CHRM3: variants seen among roughly 807,000 people sequenced by gnomAD.
CHRM3 encodes the protein cholinergic receptor muscarinic 3.
CHRM3 carries 11 observed loss-of-function variants against 41.8 expected under a neutral mutation model. The ratio of observed to expected loss-of-function variants is 0.26; its 90% CI spans 0.17 to 0.44. The LOEUF is 0.44. CHRM3 is among the 20% of genes least tolerant of loss of function. The pLI is 1.00. For missense variants in CHRM3, 571 were observed against 745.4 expected, an observed-to-expected ratio of 0.77 and a Z score of 2.72; for synonymous variants, 297 against 301.4, an observed-to-expected ratio of 0.99 and a Z score of 0.15.
At chr1:239,674,333 A>C (rs1319313785) in intron 4 of CHRM3, among the ~76,000 whole-genome samples, 1 of 152,122 alleles carries the variant, frequency 6.6e-6, no homozygotes, top group Non-Finnish European at 1.5e-5. Context: ...TTCTTTTTGC[A>C]AATGTCATCT....
chr1:239,898,450 C>A (rs1046323896), intron 6 of CHRM3: 5 of 152,108 alleles, frequency 3.3e-5, no homozygotes, highest in Middle Eastern at 3.2e-3. Flanking sequence ...CAGTCAGAGA[C>A]CCAAAACAAG....
At chr1:239,755,578 GA>G (rs963689612) in intron 5 of CHRM3, among the ~76,000 whole-genome samples, 5 of 152,154 alleles carry the variant, frequency 3.3e-5, no homozygotes, top group African/African-American at 1.2e-4. Flanking sequence ...ACCTAGCAAG[GA>G]AAGGGTACAG....
At chr1:239,677,971 A>T (rs1212104748) in intron 4 of CHRM3, among the ~76,000 whole-genome samples, 1 of 152,204 alleles carries the variant, frequency 6.6e-6, no homozygotes, top group Non-Finnish European at 1.5e-5. Context: ...TTTCCCCAGT[A>T]ACTGCTGTGG....
chr1:239,750,344 A>T (rs1224218564), intron 5 of CHRM3, among the ~76,000 whole-genome samples: 1 of 152,234 alleles, frequency 6.6e-6, no homozygotes. Flanking sequence ...ATGGTGAATG[A>T]ATGCTCTAGG....
chr1:239,438,461 C>T (rs1663445791), intron 1 of CHRM3, among the ~76,000 whole-genome samples: 1 of 152,236 alleles, frequency 6.6e-6, no homozygotes, highest in Non-Finnish European at 1.5e-5. Context: ...TGCCCACTGA[C>T]ATCTCTCTGC....
At chr1:239,703,605 C>G (rs914402782) in intron 5 of CHRM3, 20 of 152,220 alleles carry the variant, frequency 1.3e-4, no homozygotes, top group African/African-American at 4.8e-4. Flanking sequence ...ATTGTTTAAT[C>G]AAATTGTAAC....
chr1:239,709,718 T>C (rs1661569992), intron 5 of CHRM3, among the ~76,000 whole-genome samples: 1 of 152,210 alleles, frequency 6.6e-6, no homozygotes, highest in Non-Finnish European at 1.5e-5. Flanking sequence ...CTTTAACCTA[T>C]GAGGCAATTT....
At chr1:239,599,005 C>T (rs913517843) in intron 3 of CHRM3, among the ~76,000 whole-genome samples, 36 of 152,096 alleles carry the variant, frequency 2.4e-4, no homozygotes, top group Admixed American at 8.5e-4. Flanking sequence ...TAATATCTTT[C>T]CTGGGATCTT....
intron 2 of CHRM3, among the ~76,000 whole-genome samples, chr1:239,519,834 G>A (rs932325369): frequency 1.5e-5 from 2 of 130,010 alleles, no homozygotes; most frequent in East Asian, 2.5e-4. Context: ...TGCAAGCTCC[G>A]CCTCCCGGGT....
At chr1:239,529,139 C>T (rs910274305) in intron 2 of CHRM3, among the ~76,000 whole-genome samples, 31 of 152,058 alleles carry the variant, frequency 2.0e-4, no homozygotes, top group Non-Finnish European at 3.8e-4. Context: ...TTTAAAAAAT[C>T]TTTACCAAAG....
intron 2 of CHRM3, among the ~76,000 whole-genome samples, chr1:239,540,754 A>G (rs1260327901): frequency 1.3e-5 from 2 of 152,074 alleles, no homozygotes; most frequent in African/African-American, 2.4e-5. Flanking sequence ...TATATTCTGT[A>G]TTTTGCATAC....
intron 2 of CHRM3, among the ~76,000 whole-genome samples, chr1:239,515,436 G>A (rs1338277060): frequency 2.0e-5 from 3 of 149,486 alleles, no homozygotes; most frequent in Admixed American, 6.7e-5. Flanking sequence ...TAATTCTGGG[G>A]TAAGGACACT....
At chr1:239,842,027 A>G (rs1341050895) in intron 6 of CHRM3, among the ~76,000 whole-genome samples, 1 of 152,198 alleles carries the variant, frequency 6.6e-6, no homozygotes, top group Non-Finnish European at 1.5e-5. Flanking sequence ...GCTCCGCATG[A>G]TACTGAAATG....
chr1:239,724,978 A>G (rs1663302079), intron 5 of CHRM3, among the ~76,000 whole-genome samples: 1 of 151,740 alleles, frequency 6.6e-6, no homozygotes, highest in Non-Finnish European at 1.5e-5. Flanking sequence ...TGTTATATTT[A>G]ATCTTGTTAC....
chr1:239,617,672 T>C (rs915360068), intron 3 of CHRM3, among the ~76,000 whole-genome samples: 1 of 152,162 alleles, frequency 6.6e-6, no homozygotes, highest in Non-Finnish European at 1.5e-5. Flanking sequence ...GGTTCTAGGC[T>C]GCAATGAGCT....
intron 6 of CHRM3, among the ~76,000 whole-genome samples, chr1:239,850,137 A>G (rs1449427079): frequency 1.3e-5 from 2 of 152,196 alleles, no homozygotes; most frequent in Non-Finnish European, 2.9e-5. Context: ...CAATGGATTG[A>G]CACATATTTT....
At chr1:239,688,674 T>C (rs1210456559) in intron 5 of CHRM3, among the ~76,000 whole-genome samples, 2 of 133,646 alleles carry the variant, frequency 1.5e-5, no homozygotes, top group Non-Finnish European at 3.1e-5. Context: ...TATAATATTA[T>C]ATGTTATGCA....
intron 1 of CHRM3, among the ~76,000 whole-genome samples, chr1:239,412,696 T>A (rs796903581): frequency 4.6e-5 from 7 of 152,164 alleles, no homozygotes; most frequent in African/African-American, 1.7e-4. Context: ...CTCGTAGGAA[T>A]GGTTTTATAG....
chr1:239,640,633 G>C (rs1317603979), intron 4 of CHRM3, among the ~76,000 whole-genome samples: 1 of 150,134 alleles, frequency 6.7e-6, no homozygotes, highest in Non-Finnish European at 1.5e-5. Context: ...ATTTTTTATT[G>C]TGTCTATTTG....
Sources: gnomAD v4.1 joint callset for allele counts (sites outside exome capture counted in the v4.1 genomes callset) on GRCh38, gnomAD v4.1.1 for gene constraint, MANE v1.5 for transcripts, NCBI Gene and HGNC (gene_info 2026-07-23, HGNC 2026-07-21) for gene names.